Variants in IL1R1 observed in about 807,000 individuals in gnomAD.
The protein encoded by IL1R1 is interleukin-1 receptor type 1.
A neutral mutation model predicts 50.2 loss-of-function variants in IL1R1; 22 were observed. The ratio of observed to expected loss-of-function variants is 0.44; its 90% CI spans 0.31 to 0.63. The LOEUF is 0.63. Ranked by LOEUF, IL1R1 falls within the 20% of genes least tolerant of loss-of-function variation. The pLI is 0.07. For synonymous variants in IL1R1, 251 were observed against 236.7 expected (o/e 1.06, Z -0.55); for missense variants, 509 against 676.2 (o/e 0.75, Z 2.74).
At chr2:102,157,985 A>G (rs55698175) in intron 3 of IL1R1, among the ~76,000 whole-genome samples, 200 bp downstream of exon 3, 64 of 152,358 alleles carry the variant, frequency 4.2e-4, no homozygotes, top group African/African-American at 1.0e-3. Context: ...TAGAGTGGGA[A>G]ACTGAGGCCT....
chr2:102,132,342 T>C (rs1191041099), intron 1 of IL1R1, among the ~76,000 whole-genome samples: 1 of 152,026 alleles, frequency 6.6e-6, no homozygotes, highest in Non-Finnish European at 1.5e-5. Flanking sequence ...TTATAGGATA[T>C]GTAAAAGTAA....
chr2:102,070,526 C>T (rs1678669009), exon 1 of IL1R1: 1 of 152,104 alleles, frequency 6.6e-6, no homozygotes, highest in Non-Finnish European at 1.5e-5. Context: ...CTGCTTGAGT[C>T]AATGAGGGTA....
chr2:102,102,857 A>G (rs1326952643), upstream of IL1R1, among the ~76,000 whole-genome samples: 1 of 152,196 alleles, frequency 6.6e-6, no homozygotes, highest in African/African-American at 2.4e-5. Context: ...AGCAACATGG[A>G]TACAACTGGA....
At chr2:102,091,636 AG>A (rs1449150625) in intron 1 of IL1R1, among the ~76,000 whole-genome samples, 1 of 152,166 alleles carries the variant, frequency 6.6e-6, no homozygotes, top group Non-Finnish European at 1.5e-5. Flanking sequence ...GAATATTTCA[AG>A]TTCTCTCTTG....
At chr2:102,146,049 A>G (rs763797140) in intron 1 of IL1R1, among the ~76,000 whole-genome samples, 1 of 152,186 alleles carries the variant, frequency 6.6e-6, no homozygotes, top group Non-Finnish European at 1.5e-5. Flanking sequence ...AGAGGTGAGA[A>G]TAGTGAGTTT....
At chr2:102,084,169 A>G (rs1169824709) in intron 1 of IL1R1, among the ~76,000 whole-genome samples, 1 of 152,202 alleles carries the variant, frequency 6.6e-6, no homozygotes, top group Non-Finnish European at 1.5e-5. Context: ...AAGGCCATAC[A>G]AAAACCCTAA....
intron 3 of IL1R1, among the ~76,000 whole-genome samples, chr2:102,158,800 G>C (rs769046316): frequency 7.2e-5 from 11 of 152,142 alleles, no homozygotes; most frequent in Non-Finnish European, 1.5e-4. Flanking sequence ...CTTACGTTTT[G>C]ATTCCTGTTT....
chr2:102,109,155 C>T (rs534911313), intron 1 of IL1R1, among the ~76,000 whole-genome samples: 16 of 151,994 alleles, frequency 1.1e-4, no homozygotes, highest in South Asian at 2.1e-4. Flanking sequence ...GGAATTATGA[C>T]GCAGACAGGC....
At position 102,077,004 on chromosome 2, in the gene IL1R1, G is replaced by A. The variant is rs188507818; in HGVS notation, c.-84+6471G>A. Among the ~76,000 whole-genome samples the A allele has an allele frequency of 2.0e-4, 30 of 151,716 alleles. No individual in the cohort carries two copies. In the East Asian group the frequency reaches 2.5e-3, roughly 13 times the overall value. ...ATTTTTTCAATCTTCTTTTCTCACC[G>A]CTTAATTTTGGGTAGTTTCTATTGC... On this transcript the variant is annotated intron_variant, in intron 1 of 11. Transcript: ENST00000409929.
At chr2:102,090,142 T>C (rs1679601756) in intron 1 of IL1R1, among the ~76,000 whole-genome samples, 1 of 151,218 alleles carries the variant, frequency 6.6e-6, no homozygotes. Flanking sequence ...CCTATCCTTT[T>C]TTTTTCAATT....
intron 1 of IL1R1, among the ~76,000 whole-genome samples, chr2:102,107,024 G>A (rs968997268): frequency 6.6e-6 from 1 of 152,038 alleles, no homozygotes; most frequent in African/African-American, 2.4e-5. Context: ...GAATGGTAGG[G>A]GTCAAAGGGC....
intron 1 of IL1R1, among the ~76,000 whole-genome samples, chr2:102,093,682 A>G (rs920135929): frequency 1.3e-5 from 2 of 152,116 alleles, no homozygotes; most frequent in South Asian, 2.1e-4. Flanking sequence ...CCATTTTTCA[A>G]TTGGCTTATT....
intron 8 of IL1R1, 64 bp from the exon 9 acceptor site, chr2:102,172,623 C>A: frequency 7.2e-7 from 1 of 1,389,084 alleles, no homozygotes. Context: ...ACAGGGTATA[C>A]AGGTCTTATT....
At chr2:102,110,546 G>A (rs1040043031) in intron 1 of IL1R1, among the ~76,000 whole-genome samples, 1 of 148,004 alleles carries the variant, frequency 6.8e-6, no homozygotes, top group Non-Finnish European at 1.5e-5. Flanking sequence ...ATTAGACTTC[G>A]GCAGTCTCAA....
chr2:102,152,582 G>C (rs1464824769), intron 1 of IL1R1, among the ~76,000 whole-genome samples: 1 of 139,074 alleles, frequency 7.2e-6, no homozygotes, highest in East Asian at 2.3e-4. Context: ...GAAGCTTCCT[G>C]GGCCTCCCAA....
intron 3 of IL1R1, among the ~76,000 whole-genome samples, chr2:102,161,773 C>T (rs1324005347): frequency 6.6e-6 from 1 of 152,032 alleles, no homozygotes; most frequent in Non-Finnish European, 1.5e-5. Flanking sequence ...GATCTCGGCT[C>T]ACAGCAACCT....
At chr2:102,145,056 T>C (rs955709388) in intron 1 of IL1R1, among the ~76,000 whole-genome samples, 2 of 152,206 alleles carry the variant, frequency 1.3e-5, no homozygotes, top group Non-Finnish European at 2.9e-5. Context: ...GAGGCAAAGC[T>C]GGACAATTGC....
At chr2:102,144,838 A>G (rs1682981250) in intron 1 of IL1R1, among the ~76,000 whole-genome samples, 1 of 152,282 alleles carries the variant, frequency 6.6e-6, no homozygotes, top group Admixed American at 6.5e-5. Context: ...TTCCCTAGAG[A>G]ATCGCAGGGC....
rs191310967 is a variant in IL1R1, at chr2:102,080,353, A to C, written c.-84+9820A>C. Among the ~76,000 whole-genome samples the C allele has an allele frequency of 3.3e-4, 50 of 152,336 alleles. No homozygotes were observed. In the East Asian group the frequency reaches 7.3e-3, roughly 22 times the overall value. On this transcript the variant is annotated intron_variant, in intron 1 of 11. Transcript: ENST00000409929. ...ATCTGATAATGAACTTGTATCCATAATATGCACAAATCTCTGATAAATTAA... is the reference window on the plus strand; with the variant it reads ...ATCTGATAATGAACTTGTATCCATACTATGCACAAATCTCTGATAAATTAA...
Sources: allele counts gnomAD v4.1 joint callset (sites outside exome capture counted in the v4.1 genomes callset), GRCh38; gene constraint gnomAD v4.1.1; transcripts MANE v1.5; gene names NCBI Gene and HGNC (gene_info 2026-07-23, HGNC 2026-07-21).